The following CD109 variants were observed in gnomAD, a reference collection of about 807,000 sequenced individuals.
CD109 encodes CD109 molecule, also known as CD109 antigen.
CD109 carries 149 observed loss-of-function variants against 165.8 expected under a neutral mutation model. The observed-to-expected ratio is 0.90, with a 90% CI of 0.79 to 1.03. The LOEUF (loss-of-function observed/expected upper bound fraction) is 1.03, where lower values mean the gene tolerates loss of function less well. CD109 is among the 50% of genes least tolerant of loss of function. The pLI is 0.00. For missense variants in CD109, 1,712 were observed against 1,677.8 expected (o/e 1.02, Z -0.36); for synonymous variants, 585 against 592.1 (o/e 0.99, Z 0.18).
In CD109 at chr6:73,803,281, T is replaced by C. The variant is rs141930087; in HGVS notation, c.2940T>C (p.Tyr980=). 3.3e-4 allele frequency: 534 copies of C among 1,611,398 alleles called. 3 individuals are homozygous for C. In the African/African-American group the frequency reaches 6.5e-3, roughly 20 times the overall value. ...EDGSFSAFGN[Y]DPSGSTWLSA... The stretch of plus-strand genomic sequence containing the variant: ...GCTCTTTCAGTGCTTTTGGGAATTA[T>C]GACCCTTCTGGGAGCACTTGGTAAG... The change falls in exon 24 of 33, where the codon TAT becomes TAC. Residue 980 remains tyrosine (Y), a synonymous_variant. Coordinates refer to ENST00000287097, the MANE Select transcript of CD109 (RefSeq NM_133493.5).
At position 73,826,652 on chromosome 6, in the gene CD109, G is replaced by A. The variant is rs1258944325; in HGVS notation, c.*3019G>A. On this transcript the variant is annotated 3_prime_UTR_variant, in exon 33 of 33. Coordinates refer to ENST00000287097, the MANE Select transcript of CD109 (RefSeq NM_133493.5). ...ATTGTACTTTGTTTTTCAAAACATT[G>A]TAAAAATAGTATCTTTGGTTTAGTA... 2 of 152,044 alleles carry A rather than the reference G, an allele frequency of 1.3e-5. No individual in the cohort carries two copies. The highest frequency in any genetic ancestry group is 2.9e-5 in the Non-Finnish European group (2 of 68,024). 9.4% of individuals were successfully genotyped at this position (152,044 alleles called of 1,614,324 possible).
intron 4 of CD109, among the ~76,000 whole-genome samples, chr6:73,735,260 T>C (rs1332733149): frequency 2.6e-5 from 4 of 152,220 alleles, no homozygotes; most frequent in Non-Finnish European, 5.9e-5. Flanking sequence ...ATAATCATCA[T>C]ATACTATAAT....
intron 17 of CD109, among the ~76,000 whole-genome samples, chr6:73,782,161 TGCC>T (rs1434070646): frequency 6.6e-6 from 1 of 152,164 alleles, no homozygotes; most frequent in Non-Finnish European, 1.5e-5. Flanking sequence ...GGCTGGTTCT[TGCC>T]CCAACAGGAC....
chr6:73,690,183 C>G, the CD109 span, among the ~76,000 whole-genome samples: 1 of 152,106 alleles, frequency 6.6e-6, no homozygotes, highest in Non-Finnish European at 1.5e-5. Context: ...TAAGAGCTTA[C>G]TCCTGGAATT....
chr6:73,688,660 T>TG, the CD109 span, among the ~76,000 whole-genome samples: 1 of 151,798 alleles, frequency 6.6e-6, no homozygotes, highest in Admixed American at 6.6e-5. Flanking sequence ...CCTCATCCTC[T>TG]GGAGAGGGGA....
At chr6:73,681,887 G>A in the CD109 span, among the ~76,000 whole-genome samples, 1 of 152,118 alleles carries the variant, frequency 6.6e-6, no homozygotes, top group Non-Finnish European at 1.5e-5. Context: ...ACAGGTCTGA[G>A]CCACCGCACC....
chr6:73,756,606 A>T (rs1360315452), intron 5 of CD109, 37 bp from the exon 6 acceptor site: 5 of 1,426,968 alleles, frequency 3.5e-6, no homozygotes, highest in Non-Finnish European at 4.8e-6. Flanking sequence ...AAGAACTCAT[A>T]TACTTTCCTG....
Position 73,762,832 on chromosome 6 carries a change from C to A in CD109, c.947C>A (p.Ser316Tyr), listed in dbSNP as rs768849691. The part of the protein sequence containing the change: ...SNGLSEYLDL[S>Y]SPGPVEILTT... ...GGACTTTCTGAATACCTGGATCTAT[C>A]TTCCCCTGGACCAGTAGAAATTTTA... Residue 316 changes from serine (S) to tyrosine (Y), a missense_variant, in exon 9 of 33, where the codon TCT becomes TAT. Transcript: ENST00000287097. 4 of 1,612,954 alleles carry A rather than the reference C, an allele frequency of 2.5e-6. No homozygotes were observed. In the East Asian group the frequency reaches 8.9e-5, roughly 36 times the overall value.
chr6:73,803,099 TG>T, intron 23 of CD109, 120 bp from the exon 24 acceptor site: 1 of 683,004 alleles, frequency 1.5e-6, no homozygotes. Flanking sequence ...TATTAGCTCT[TG>T]GTTTGATTTC....
intron 5 of CD109, among the ~76,000 whole-genome samples, chr6:73,752,291 A>T (rs72955229): frequency 0.024 from 3,708 of 152,310 alleles, 68 homozygotes; most frequent in East Asian, 0.042. Flanking sequence ...AAAAATAGAA[A>T]CTCAAGAGTT....
At chr6:73,750,396 G>A (rs1773145484) in intron 5 of CD109, among the ~76,000 whole-genome samples, 1 of 152,162 alleles carries the variant, frequency 6.6e-6, no homozygotes, top group Non-Finnish European at 1.5e-5. Context: ...AAGCAAGCAA[G>A]TTCAGGCACA....
At chr6:73,684,104 A>C in the CD109 span, among the ~76,000 whole-genome samples, 1 of 152,080 alleles carries the variant, frequency 6.6e-6, no homozygotes, top group African/African-American at 2.4e-5. Flanking sequence ...CTTTGATACT[A>C]ATTTCAGTTG....
intron 5 of CD109, among the ~76,000 whole-genome samples, chr6:73,753,705 C>T (rs891921619): frequency 2.0e-5 from 3 of 152,184 alleles, no homozygotes; most frequent in Admixed American, 6.5e-5. Flanking sequence ...GATGCATTCA[C>T]TCCTTGGGGC....
At chr6:73,719,500 T>C (rs559918069) in intron 2 of CD109, among the ~76,000 whole-genome samples, 2 of 152,342 alleles carry the variant, frequency 1.3e-5, no homozygotes, top group East Asian at 3.8e-4. Context: ...CACTCAGTCA[T>C]ATATTTAATT....
chr6:73,780,418 C>A lies in CD109; in HGVS notation c.1828-6C>A. The A allele has an allele frequency of 6.4e-7, 1 of 1,556,332 alleles. No individual in the cohort carries two copies. Among genetic ancestry groups the A allele is most frequent in the Non-Finnish European group, 8.9e-7 (1 of 1,128,556 alleles). On this transcript the variant is annotated splice_polypyrimidine_tract_variant and splice_region_variant and intron_variant, in intron 15 of 32. Transcript: ENST00000287097. ...ATTCATTCCGTATATTTTATCTTCT[C>A]CTTAGGTGGTCCATGAGTTGGAACT...
At chr6:73,812,749 T>G (rs1184480419) in intron 29 of CD109, among the ~76,000 whole-genome samples, 1 of 152,102 alleles carries the variant, frequency 6.6e-6, no homozygotes, top group South Asian at 2.1e-4. Flanking sequence ...ATCTACATTT[T>G]TATAGTGCAG....
In CD109 at chr6:73,766,830, C is replaced by G; in HGVS notation, c.1404C>G (p.Ile468Met). Reference sequence around the variant, plus strand: ...TTAAGTCTCCTAGTAAGACATACATCCAACTAAAAACAAGAGATGAAAATA... The same window carrying G: ...TTAAGTCTCCTAGTAAGACATACATGCAACTAAAAACAAGAGATGAAAATA... Reference protein sequence around the residue: ...SLFKSPSKTYIQLKTRDENIK... With the variant: ...SLFKSPSKTYMQLKTRDENIK... Residue 468 changes from isoleucine to methionine, a missense_variant, in exon 12 of 33, where the codon ATC (isoleucine) becomes ATG (methionine). Coordinates refer to ENST00000287097, the MANE Select transcript of CD109 (RefSeq NM_133493.5). The G allele has an allele frequency of 6.2e-7, 1 of 1,612,430 alleles. No homozygotes were observed. Among genetic ancestry groups the G allele is most frequent in the Non-Finnish European group, 8.5e-7 (1 of 1,178,940 alleles).
chr6:73,807,092 A>G lies in CD109; in HGVS notation c.3189+20A>G. On this transcript the variant is annotated intron_variant, in intron 25 of 32. Transcript: ENST00000287097. ...TATCAGGTATTTCGTATTTAATTTA[A>G]TAAATGATAGATGGGAAATTCAAGG... 1 of 1,568,344 alleles carries G rather than the reference A, an allele frequency of 6.4e-7. No homozygotes were observed. Among genetic ancestry groups the G allele is most frequent in the Non-Finnish European group, 8.8e-7 (1 of 1,139,786 alleles).
intron 17 of CD109, among the ~76,000 whole-genome samples, chr6:73,781,695 T>C (rs1157377066): frequency 6.6e-6 from 1 of 152,056 alleles, no homozygotes; most frequent in African/African-American, 2.4e-5. Context: ...TCCAGCTTTT[T>C]GATGTTCACC....
Sources: allele counts gnomAD v4.1 joint callset (sites outside exome capture counted in the v4.1 genomes callset), GRCh38; gene constraint gnomAD v4.1.1; transcripts MANE v1.5; gene names NCBI Gene and HGNC (gene_info 2026-07-23, HGNC 2026-07-21).